CORIN: variants seen among roughly 807,000 people sequenced by gnomAD.
CORIN encodes corin, serine peptidase, also known as atrial natriuretic peptide-converting enzyme.
In CORIN, 117 loss-of-function variants were observed where a neutral mutation model predicts 125.3. The ratio of observed to expected loss-of-function variants is 0.93; its 90% CI spans 0.80 to 1.09. CORIN has a LOEUF of 1.09. Ranked by LOEUF, CORIN falls within the 50% of genes least tolerant of loss-of-function variation. The pLI is 0.00. For synonymous variants in CORIN, 450 were observed against 466.4 expected (o/e 0.96, Z 0.45); for missense variants, 1,253 against 1,306.7 (o/e 0.96, Z 0.63).
At chr4:47,732,758 C>T (rs895850845) in intron 5 of CORIN, among the ~76,000 whole-genome samples, 2 of 152,098 alleles carry the variant, frequency 1.3e-5, no homozygotes, top group African/African-American at 4.8e-5. Flanking sequence ...GACGCGGTTT[C>T]ACTATGTTGG....
chr4:47,646,167 G>A (rs1462357919), intron 13 of CORIN, among the ~76,000 whole-genome samples: 1 of 151,474 alleles, frequency 6.6e-6, no homozygotes, highest in African/African-American at 2.4e-5. Context: ...CAATGCATAA[G>A]ACTTATCTAT....
intron 21 of CORIN, among the ~76,000 whole-genome samples, chr4:47,598,462 G>T (rs1379300826): frequency 1.3e-5 from 2 of 152,034 alleles, no homozygotes; most frequent in African/African-American, 4.8e-5. Context: ...GTTCCTATTA[G>T]GCATCATGAT....
Position 47,600,237 on chromosome 4 carries a change from A to C in CORIN, c.2923T>G (p.Ser975Ala). Residue 975 changes from serine (S) to alanine (A), a missense_variant, in exon 21 of 22, where the codon TCT becomes GCT. Physicochemically the swap from Ser to Ala is moderately conservative, Grantham distance 99. Coordinates refer to ENST00000273857, the MANE Select transcript of CORIN (RefSeq NM_006587.4). ...TTRMICAGYE[S>A]GTVDSCMGDS... The stretch of plus-strand genomic sequence containing the variant: ...ACCATGCATGAATCAACTGTGCCAG[A>C]CTCATAGCCAGCACATATCATCCGA... 6.2e-7 allele frequency: 1 copy of C among 1,613,414 alleles called. No individual in the cohort carries two copies. The highest frequency in any genetic ancestry group is 8.5e-7 in the Non-Finnish European group (1 of 1,179,642).
chr4:47,760,939 T>G (rs1729419901), intron 4 of CORIN, among the ~76,000 whole-genome samples: 1 of 152,242 alleles, frequency 6.6e-6, no homozygotes, highest in Non-Finnish European at 1.5e-5. Flanking sequence ...CAATCTCTGC[T>G]AGCATCAAAC....
At chr4:47,610,950 T>C (rs1453804312) in intron 19 of CORIN, among the ~76,000 whole-genome samples, 3 of 151,792 alleles carry the variant, frequency 2.0e-5, no homozygotes, top group Non-Finnish European at 4.4e-5. Flanking sequence ...CATTGGTCTA[T>C]GTGTCTGTTC....
chr4:47,747,379 A>G (rs1032973577), intron 4 of CORIN, among the ~76,000 whole-genome samples: 50 of 151,288 alleles, frequency 3.3e-4, no homozygotes, highest in Non-Finnish European at 6.6e-4. Flanking sequence ...ATTTAAAGGG[A>G]AAAAAAAACA....
chr4:47,677,065 C>T (rs1184236450), intron 9 of CORIN, among the ~76,000 whole-genome samples: 1 of 152,174 alleles, frequency 6.6e-6, no homozygotes, highest in African/African-American at 2.4e-5. Context: ...TGACCAGTCT[C>T]ATTGGCTGAT....
intron 3 of CORIN, among the ~76,000 whole-genome samples, chr4:47,778,981 T>G (rs1386104430): frequency 6.6e-6 from 1 of 152,160 alleles, no homozygotes; most frequent in East Asian, 1.9e-4. Flanking sequence ...TACATAAAAT[T>G]TAGGCTGTCT....
chr4:47,833,521 C>CAAAAAAAAAAAAAAAAAAGA (rs1733180207), intron 1 of CORIN, among the ~76,000 whole-genome samples: 2 of 115,042 alleles, frequency 1.7e-5, no homozygotes, highest in African/African-American at 3.5e-5. Flanking sequence ...AAAGCATAGG[C>CAAAAAAAAAAAAAAAAAAGA]AAAAAAAAAA....
intron 5 of CORIN, among the ~76,000 whole-genome samples, chr4:47,714,738 G>A (rs879701837): frequency 5.9e-5 from 9 of 152,338 alleles, no homozygotes; most frequent in Non-Finnish European, 5.9e-5. Context: ...AAAACAGGCT[G>A]CAGGCTGTCT....
At chr4:47,624,365 T>G (rs1276005368) in intron 17 of CORIN, among the ~76,000 whole-genome samples, 1 of 152,156 alleles carries the variant, frequency 6.6e-6, no homozygotes, top group South Asian at 2.1e-4. Flanking sequence ...GGAGGCAGCA[T>G]GTCAGATTTT....
chr4:47,729,552 G>A (rs1169069262), intron 5 of CORIN, among the ~76,000 whole-genome samples: 1 of 152,114 alleles, frequency 6.6e-6, no homozygotes, highest in East Asian at 1.9e-4. Flanking sequence ...CGCAATCAGG[G>A]CCAGATAATG....
chr4:47,633,024 C>T (rs1375279737), intron 16 of CORIN, among the ~76,000 whole-genome samples: 5 of 152,118 alleles, frequency 3.3e-5, no homozygotes, highest in Non-Finnish European at 5.9e-5. Context: ...TCAAGTGATC[C>T]ACATGCCTCA....
Position 47,765,283 on chromosome 4 carries a change from C to T in CORIN, c.410-1697G>A, listed in dbSNP as rs192257827. Among the ~76,000 whole-genome samples, 152 of 151,600 alleles carry T rather than the reference C, an allele frequency of 1.0e-3. No individual in the cohort carries two copies. The East Asian group carries it at 0.027, about 27-fold the overall frequency. ...CTGAGATCGCGCCACTGCACCCCAG[C>T]CTGGGCGACAGAGCGAGACTCCGTC... On this transcript the variant is annotated intron_variant, in intron 3 of 21. Transcript: ENST00000273857.
At chr4:47,683,881 A>T in intron 6 of CORIN, 43 bp from the exon 7 acceptor site, 1 of 1,419,064 alleles carries the variant, frequency 7.0e-7, no homozygotes, top group East Asian at 2.3e-5. Flanking sequence ...AGAGCCATAC[A>T]GAATGCTATT....
chr4:47,701,328 T>C (rs1726283799), intron 5 of CORIN, among the ~76,000 whole-genome samples: 1 of 152,206 alleles, frequency 6.6e-6, no homozygotes, highest in African/African-American at 2.4e-5. Flanking sequence ...ACTCCTGAAA[T>C]TAAGTCAACT....
At chr4:47,703,697 T>A (rs1008332544) in intron 5 of CORIN, among the ~76,000 whole-genome samples, 2 of 152,176 alleles carry the variant, frequency 1.3e-5, no homozygotes, top group Non-Finnish European at 2.9e-5. Context: ...TATGTTCTGT[T>A]TACTAAGGCT....
chr4:47,805,654 CA>C (rs1731761939), intron 2 of CORIN, among the ~76,000 whole-genome samples: 1 of 152,098 alleles, frequency 6.6e-6, no homozygotes, highest in South Asian at 2.1e-4. Context: ...ATCCACCACC[CA>C]TAGCAGTGTT....
At chr4:47,800,572 A>G (rs149873020) in intron 2 of CORIN, among the ~76,000 whole-genome samples, 80 of 152,262 alleles carry the variant, frequency 5.3e-4, no homozygotes, top group African/African-American at 1.8e-3. Flanking sequence ...ACAACTACTG[A>G]AGGGCGCTGG....
Sources: allele counts gnomAD v4.1 joint callset (sites outside exome capture counted in the v4.1 genomes callset), GRCh38; gene constraint gnomAD v4.1.1; transcripts MANE v1.5; gene names NCBI Gene and HGNC (gene_info 2026-07-23, HGNC 2026-07-21).